Variants in TAFA1 observed in about 807,000 individuals in gnomAD.
TAFA1 encodes TAFA chemokine like family member 1.
In TAFA1, 4 loss-of-function variants were observed where a neutral mutation model predicts 18.5. The ratio of observed to expected loss-of-function variants is 0.22; its 90% confidence interval spans 0.11 to 0.49. The LOEUF (loss-of-function observed/expected upper bound fraction) is 0.49, where lower values mean the gene tolerates loss of function less well. TAFA1 is among the 20% of genes least tolerant of loss of function. The pLI, the probability that TAFA1 is intolerant of heterozygous loss-of-function variation, is 0.98. For synonymous variants in TAFA1, 56 were observed against 55.2 expected (o/e 1.01, Z -0.06); for missense variants, 147 against 169.0 (o/e 0.87, Z 0.72).
intron 2 of TAFA1, among the ~76,000 whole-genome samples, chr3:68,058,142 T>C (rs1371483666): frequency 6.6e-6 from 1 of 152,188 alleles, no homozygotes; most frequent in African/African-American, 2.4e-5. Context: ...ATAGTATAGA[T>C]GCTAATAATC....
At chr3:68,350,376 A>G (rs1158610470) in intron 2 of TAFA1, among the ~76,000 whole-genome samples, 1 of 152,154 alleles carries the variant, frequency 6.6e-6, no homozygotes, top group African/African-American at 2.4e-5. Context: ...TTATTTAAAT[A>G]TCTTCTAATA....
chr3:68,367,856 A>G (rs2106807911), intron 2 of TAFA1, among the ~76,000 whole-genome samples: 1 of 152,244 alleles, frequency 6.6e-6, no homozygotes, highest in Middle Eastern at 3.4e-3. Flanking sequence ...GGAAGGAGAC[A>G]AAAAAATAAA....
intron 2 of TAFA1, among the ~76,000 whole-genome samples, chr3:68,188,042 T>G (rs1471652783): frequency 6.6e-6 from 1 of 152,052 alleles, no homozygotes; most frequent in East Asian, 1.9e-4. Context: ...TAGAAGTTAT[T>G]TTATATTCTG....
intron 2 of TAFA1, among the ~76,000 whole-genome samples, chr3:68,340,880 G>A (rs72626983): frequency 0.052 from 7,894 of 152,274 alleles, 264 homozygotes; most frequent in East Asian, 0.1. Context: ...AGGCAAAATT[G>A]AAGGGCAAAT....
chr3:68,344,681 T>G (rs1484336672), intron 2 of TAFA1, among the ~76,000 whole-genome samples: 1 of 152,152 alleles, frequency 6.6e-6, no homozygotes, highest in Non-Finnish European at 1.5e-5. Flanking sequence ...GTTTTAGGGT[T>G]TTAGCTGGGC....
At chr3:68,172,404 G>A (rs113314276) in intron 2 of TAFA1, among the ~76,000 whole-genome samples, 157 of 152,224 alleles carry the variant, frequency 1.0e-3, no homozygotes, top group African/African-American at 3.6e-3. Context: ...TGTTGATAAG[G>A]ATGGAGAGGA....
intron 2 of TAFA1, among the ~76,000 whole-genome samples, chr3:68,384,455 G>A (rs1469335734): frequency 6.6e-6 from 1 of 151,964 alleles, no homozygotes; most frequent in Non-Finnish European, 1.5e-5. Flanking sequence ...GTTATTCAAT[G>A]TAAATGTACT....
chr3:68,093,316 C>A (rs1176698339), intron 2 of TAFA1, among the ~76,000 whole-genome samples: 1 of 152,082 alleles, frequency 6.6e-6, no homozygotes, highest in East Asian at 1.9e-4. Context: ...CTTCCTCTTT[C>A]CTGTCCCATA....
chr3:68,456,366 C>G (rs1053917644), intron 3 of TAFA1, among the ~76,000 whole-genome samples: 1 of 152,120 alleles, frequency 6.6e-6, no homozygotes, highest in Non-Finnish European at 1.5e-5. Context: ...GGCATTTTTT[C>G]CCCTGGAATA....
At chr3:68,284,451 A>G (rs531229077) in intron 2 of TAFA1, among the ~76,000 whole-genome samples, 98 of 152,232 alleles carry the variant, frequency 6.4e-4, no homozygotes, top group Non-Finnish European at 1.1e-3. Flanking sequence ...AATAGAATAT[A>G]TATCTTTCCT....
chr3:68,120,188 TCTTTCTTTCTTTCTTTCTTTCTTTCTTTC>T (rs2065376240), intron 2 of TAFA1, among the ~76,000 whole-genome samples: 1 of 26,230 alleles, frequency 3.8e-5, no homozygotes, highest in Non-Finnish European at 8.8e-5. Context: ...TTTCTTTCTT[TCTTTCTTTCTTTCTTTCTTTCTTTCTTTC>T]TTTCTTTCTT....
chr3:68,030,676 T>TG (rs764535935), intron 2 of TAFA1, among the ~76,000 whole-genome samples: 2 of 152,336 alleles, frequency 1.3e-5, no homozygotes, highest in East Asian at 1.9e-4. Flanking sequence ...GGTGGGCATT[T>TG]GGGTTGGTTC....
intron 3 of TAFA1, among the ~76,000 whole-genome samples, chr3:68,512,790 T>G (rs2072869048): frequency 6.6e-6 from 1 of 152,110 alleles, no homozygotes; most frequent in South Asian, 2.1e-4. Flanking sequence ...AAAAAAAACC[T>G]GTTTCTTCTG....
intron 2 of TAFA1, among the ~76,000 whole-genome samples, chr3:68,334,792 T>C (rs1425530914): frequency 6.6e-6 from 1 of 152,134 alleles, no homozygotes; most frequent in Non-Finnish European, 1.5e-5. Flanking sequence ...CAGGGACCCA[T>C]ATCAATGAAG....
the TAFA1 span, among the ~76,000 whole-genome samples, chr3:67,992,511 C>T: frequency 3.9e-5 from 6 of 151,980 alleles, no homozygotes; most frequent in Non-Finnish European, 7.4e-5. Flanking sequence ...ATTTCTTGCC[C>T]TTCACTAAAT....
chr3:68,209,831 C>A (rs192942229), intron 2 of TAFA1, among the ~76,000 whole-genome samples: 1 of 152,054 alleles, frequency 6.6e-6, no homozygotes, highest in East Asian at 1.9e-4. Flanking sequence ...AAAACCCACA[C>A]AATTTATATA....
intron 2 of TAFA1, among the ~76,000 whole-genome samples, chr3:68,370,482 A>G (rs1413447520): frequency 0.021 from 1,443 of 67,622 alleles, 35 homozygotes; most frequent in African/African-American, 0.052. Context: ...GTATATATAT[A>G]TATATATATA....
chr3:68,087,988 T>G (rs2064990837), intron 2 of TAFA1, among the ~76,000 whole-genome samples: 3 of 152,188 alleles, frequency 2.0e-5, no homozygotes, highest in Non-Finnish European at 4.4e-5. Flanking sequence ...TAGACACAGC[T>G]CATGTTTTTG....
At chr3:68,366,328 T>G (rs1305519227) in intron 2 of TAFA1, among the ~76,000 whole-genome samples, 1 of 152,110 alleles carries the variant, frequency 6.6e-6, no homozygotes, top group African/African-American at 2.4e-5. Flanking sequence ...CAACAGAGAA[T>G]TGTCACAGGA....
Sources: allele counts gnomAD v4.1 joint callset (sites outside exome capture counted in the v4.1 genomes callset), GRCh38; gene constraint gnomAD v4.1.1; transcripts MANE v1.5; gene names NCBI Gene and HGNC (gene_info 2026-07-23, HGNC 2026-07-21).